Variants in SMAD7 observed in about 807,000 individuals in gnomAD.
SMAD7 encodes the protein SMAD family member 7.
In SMAD7, 8 loss-of-function variants were observed where a neutral mutation model predicts 38.7. The ratio of observed to expected loss-of-function variants is 0.21; its 90% CI spans 0.12 to 0.37. The LOEUF is 0.37. Ranked by LOEUF, SMAD7 falls within the 10% of genes least tolerant of loss-of-function variation. The pLI is 1.00. For missense variants in SMAD7, 477 were observed against 577.9 expected, an observed-to-expected ratio of 0.83 and a Z score of 1.79; for synonymous variants, 327 against 265.1, an observed-to-expected ratio of 1.23 and a Z score of -2.27.
chr18:48,931,480 T>G (rs2069999999), intron 3 of SMAD7, among the ~76,000 whole-genome samples: 3 of 152,102 alleles, frequency 2.0e-5, no homozygotes, highest in Admixed American at 1.3e-4. Context: ...GTATACAAAT[T>G]GTGGTATAGC....
At chr18:48,937,158 C>A (rs573794023) in intron 3 of SMAD7, among the ~76,000 whole-genome samples, 132 of 152,160 alleles carry the variant, frequency 8.7e-4, no homozygotes, top group African/African-American at 3.0e-3. Context: ...ATGAATTCTT[C>A]GGCATTTCCT....
At chr18:48,934,335 C>T (rs12967477) in intron 3 of SMAD7, among the ~76,000 whole-genome samples, 37,336 of 151,950 alleles carry the variant, frequency 0.25, 4,944 homozygotes, top group Middle Eastern at 0.35. Context: ...GGCTTGAAAA[C>T]ACGAAGGCAG....
At position 48,927,670 on chromosome 18, in the gene SMAD7, C is replaced by T. The variant is rs144698151; in HGVS notation, c.743-5760G>A. 2.6e-5 allele frequency among the ~76,000 whole-genome samples: 4 copies of T among 152,312 alleles called. No individual in the cohort carries two copies. The East Asian group carries it at 7.7e-4, about 29-fold the overall frequency. ...GATTGGGGCCAGCTTGTGGAGAGTG[C>T]TGCACACACGTTGGTCTCATCTCTG... On this transcript the variant is annotated intron_variant, in intron 3 of 3. Transcript: ENST00000262158.
chr18:48,926,359 G>A (rs890808734), intron 3 of SMAD7, among the ~76,000 whole-genome samples: 1 of 152,262 alleles, frequency 6.6e-6, no homozygotes, highest in East Asian at 1.9e-4. Flanking sequence ...AGCTCCATCA[G>A]CTGATGACCC....
At chr18:48,947,846 C>T (rs892660256) in intron 2 of SMAD7, among the ~76,000 whole-genome samples, 1 of 152,002 alleles carries the variant, frequency 6.6e-6, no homozygotes, top group Non-Finnish European at 1.5e-5. Context: ...ACTGAGAAAA[C>T]CCCGGGAGAG....
At chr18:48,935,514 C>T (rs1019130327) in intron 3 of SMAD7, among the ~76,000 whole-genome samples, 7 of 152,220 alleles carry the variant, frequency 4.6e-5, no homozygotes, top group African/African-American at 1.4e-4. Context: ...TGGGCAAGGA[C>T]ATCACAGGGA....
rs4998834 is a variant in SMAD7, at chr18:48,926,269, C to T, written c.743-4359G>A. Among the ~76,000 whole-genome samples the T allele has an allele frequency of 4.3e-3, 660 of 152,246 alleles. 4 individuals are homozygous for T. Among genetic ancestry groups the T allele is most frequent in the African/African-American group, 0.014 (602 of 41,532 alleles). On this transcript the variant is annotated intron_variant, in intron 3 of 3. Transcript: ENST00000262158. ...TGACTGGGCCCAGACACACAAAGAA[C>T]GTACTTGTGGGGAGGGGGTCCCCCA...
At chr18:48,949,707 C>T in intron 1 of SMAD7, 105 bp downstream of exon 1, 3 of 1,272,160 alleles carry the variant, frequency 2.4e-6, no homozygotes, top group Non-Finnish European at 3.2e-6. Flanking sequence ...GGAGGGTATG[C>T]ACACTCCCCC....
At position 48,924,306 on chromosome 18, in the gene SMAD7, C is replaced by CAGG. The variant is rs572100994; in HGVS notation, c.743-2399_743-2397dup. ...CCCACTGAAACCTGGCACCGGCCAA[C>CAGG]AGGAGGAGGAGGAGGAGGAGCAAGG... On this transcript the variant is annotated intron_variant, in intron 3 of 3. Coordinates refer to ENST00000262158, the MANE Select transcript of SMAD7 (RefSeq NM_005904.4). Among the ~76,000 whole-genome samples, 821 of 151,888 alleles carry CAGG rather than the reference C, an allele frequency of 5.4e-3. 7 individuals carry two copies. Among genetic ancestry groups the CAGG allele is most frequent in the African/African-American group, 0.017 (725 of 41,454 alleles).
rs2070247622 is a variant in SMAD7 at position 48,950,285 on chromosome 18, G to C, written c.140C>G (p.Ala47Gly). Residue 47 changes from alanine (A) to glycine (G), a missense_variant, in exon 1 of 4, where the codon GCG becomes GGG. Physicochemically the swap from Ala to Gly is moderately conservative, Grantham distance 60. Transcript: ENST00000262158. ...LRGEGATDSR[A>G]HGAGGGGPGR... ...CGGGCCGCCGCCACCGGCCCCATGCGCTCGGCTGTCCGTCGCCCCTTCTCC... is the reference window on the plus strand; with the variant it reads ...CGGGCCGCCGCCACCGGCCCCATGCCCTCGGCTGTCCGTCGCCCCTTCTCC... 2 of 1,528,444 alleles carry C rather than the reference G, an allele frequency of 1.3e-6. No homozygotes were observed. The highest frequency in any genetic ancestry group is 1.8e-6 in the Non-Finnish European group (2 of 1,139,540). 94.7% of individuals were successfully genotyped at this position (1,528,444 alleles called of 1,614,324 possible).
intron 3 of SMAD7, among the ~76,000 whole-genome samples, chr18:48,929,655 A>G (rs1171564342): frequency 6.6e-6 from 1 of 151,946 alleles, no homozygotes; most frequent in Non-Finnish European, 1.5e-5. Context: ...CCAATTTTCC[A>G]AAAGGACAAA....
At chr18:48,922,992 T>C (rs2069881494) in intron 3 of SMAD7, among the ~76,000 whole-genome samples, 1 of 152,140 alleles carries the variant, frequency 6.6e-6, no homozygotes, top group Non-Finnish European at 1.5e-5. Flanking sequence ...CGGCGGGCAT[T>C]CTGACTCCTC....
chr18:48,950,470 C>A lies in SMAD7; in HGVS notation c.-46G>T, dbSNP rs1171135766. 1 of 1,513,290 alleles carries A rather than the reference C, an allele frequency of 6.6e-7. No individual in the cohort carries two copies. 93.7% of individuals were successfully genotyped at this position (1,513,290 alleles called of 1,614,324 possible). On this transcript the variant is annotated 5_prime_UTR_variant, in exon 1 of 4. Transcript: ENST00000262158. ...GAAAAGTCGTTTGCCTGCTAAGGAGCGAACATGACCTCCGCACACCATGAA... is the reference window on the plus strand; with the variant it reads ...GAAAAGTCGTTTGCCTGCTAAGGAGAGAACATGACCTCCGCACACCATGAA...
At chr18:48,939,762 G>A (rs1322585887) in intron 3 of SMAD7, among the ~76,000 whole-genome samples, 2 of 152,094 alleles carry the variant, frequency 1.3e-5, no homozygotes, top group Non-Finnish European at 2.9e-5. Context: ...AAGAGGCTCA[G>A]AGAGGTTATT....
At chr18:48,948,735 G>T (rs1179168310) in intron 1 of SMAD7, among the ~76,000 whole-genome samples, 2 of 152,242 alleles carry the variant, frequency 1.3e-5, no homozygotes, top group Admixed American at 1.3e-4. Context: ...TCACAGGGCG[G>T]GGGGCGACCA....
At chr18:48,947,147 T>C (rs1018643601) in intron 2 of SMAD7, among the ~76,000 whole-genome samples, 1 of 152,224 alleles carries the variant, frequency 6.6e-6, no homozygotes, top group Non-Finnish European at 1.5e-5. Context: ...TATCTCCTTA[T>C]TAATAACCAT....
intron 3 of SMAD7, among the ~76,000 whole-genome samples, chr18:48,939,138 G>A (rs981037908): frequency 6.6e-5 from 10 of 151,808 alleles, no homozygotes; most frequent in Non-Finnish European, 1.2e-4. Context: ...GTACGTCTGC[G>A]GCAAAACCCA....
At chr18:48,926,306 A>T (rs2069927803) in intron 3 of SMAD7, among the ~76,000 whole-genome samples, 1 of 149,190 alleles carries the variant, frequency 6.7e-6, no homozygotes, top group African/African-American at 2.5e-5. Flanking sequence ...GATTCCATTT[A>T]GGAACAAGGG....
At chr18:48,942,422 G>T in intron 3 of SMAD7, 59 bp downstream of exon 3, 1 of 1,230,292 alleles carries the variant, frequency 8.1e-7, no homozygotes. Context: ...CATTCCTCCA[G>T]TCTTTAGCAA....
Sources: allele counts gnomAD v4.1 joint callset (sites outside exome capture counted in the v4.1 genomes callset), GRCh38; gene constraint gnomAD v4.1.1; transcripts MANE v1.5; gene names NCBI Gene and HGNC (gene_info 2026-07-23, HGNC 2026-07-21).